TRIM5: variants seen among roughly 807,000 people sequenced by gnomAD.
The protein encoded by TRIM5 is tripartite motif containing 5.
A neutral mutation model predicts 35.6 loss-of-function variants in TRIM5; 31 were observed. The ratio of observed to expected loss-of-function variants is 0.87; its 90% CI spans 0.65 to 1.18. The LOEUF (loss-of-function observed/expected upper bound fraction) is 1.18. TRIM5 is among the 50% of genes most tolerant of loss of function. The pLI is 0.00. For missense variants in TRIM5, 609 were observed against 591.6 expected, an observed-to-expected ratio of 1.03 and a Z score of -0.31; for synonymous variants, 243 against 215.6, an observed-to-expected ratio of 1.13 and a Z score of -1.11.
chr11:5,589,279 G>A, the TRIM5 span: 1 of 151,532 alleles, frequency 6.6e-6, no homozygotes, highest in Non-Finnish European at 1.5e-5. Context: ...CTCATCTAGT[G>A]TCCTCTTCTG....
chr11:5,648,762 GGAAAA>G, the TRIM5 span, among the ~76,000 whole-genome samples: 4 of 152,270 alleles, frequency 2.6e-5, 1 homozygote, highest in South Asian at 8.3e-4. Flanking sequence ...GTGTTTATAA[GGAAAA>G]GAAGAGACCT....
rs34310528 is a variant in TRIM5 at position 5,669,080 on chromosome 11, C to CTTTT, written c.745-1373_745-1370dup. The stretch of plus-strand genomic sequence containing the variant: ...CTAACAGGACAGTTTGGTCTACATT[C>CTTTT]TTTTTTTTTTTTTTTTTTGATACGG... On this transcript the variant is annotated intron_variant, in intron 4 of 7. Coordinates refer to ENST00000380034, the MANE Select transcript of TRIM5 (RefSeq NM_033034.3). 5.6e-3 allele frequency among the ~76,000 whole-genome samples: 748 copies of CTTTT among 133,146 alleles called. 16 individuals carry two copies. Among genetic ancestry groups the CTTTT allele is most frequent in the African/African-American group, 0.019 (662 of 35,014 alleles). 87.3% of individuals were successfully genotyped at this position (133,146 alleles called of 152,430 possible). A position where few individuals can be genotyped will look rare whatever the true frequency, so the allele number is the denominator to read the frequency against.
At chr11:5,661,882 T>G (rs1850840089), downstream of TRIM5, among the ~76,000 whole-genome samples, 1 of 152,200 alleles carries the variant, frequency 6.6e-6, no homozygotes, top group African/African-American at 2.4e-5. Flanking sequence ...TATATACAAA[T>G]TCAGGTCTTT....
chr11:5,665,146 T>C lies in TRIM5; in HGVS notation c.1145A>G (p.Asp382Gly). 6.2e-7 allele frequency: 1 copy of C among 1,614,102 alleles called. No homozygotes were observed. Among genetic ancestry groups the C allele is most frequent in the East Asian group, 2.2e-5 (1 of 44,884 alleles). Residue 382 changes from aspartate to glycine, a missense_variant, in exon 8 of 8, where the codon GAT becomes GGT. By Grantham distance (94) the Asp-to-Gly change is moderately conservative (BLOSUM62 -1). Transcript: ENST00000380034. ...ILGVCAGFQP[D>G]AMCNIEKNEN... ...ATTTTTTTCAATATTACACATTGCA[T>C]CAGGTTGGAAGCCAGCACATACCCC...
the TRIM5 span, among the ~76,000 whole-genome samples, chr11:5,616,082 C>G: frequency 6.6e-6 from 1 of 151,464 alleles, no homozygotes; most frequent in Non-Finnish European, 1.5e-5. Context: ...TCCCGAGTAG[C>G]TGGGACTACA....
At chr11:5,675,415 G>C (rs932492180) in intron 4 of TRIM5, among the ~76,000 whole-genome samples, 10 of 152,086 alleles carry the variant, frequency 6.6e-5, no homozygotes. Context: ...CCTGGGTCCA[G>C]GTGATTTACC....
Position 5,680,123 on chromosome 11 carries a change from G to C in TRIM5, c.55C>G (p.Leu19Val), listed in dbSNP as rs1407774755. 7.4e-6 allele frequency: 12 copies of C among 1,613,816 alleles called. No individual in the cohort carries two copies. The highest frequency in any genetic ancestry group is 1.0e-5 in the Non-Finnish European group (12 of 1,179,940). Residue 19 changes from leucine to valine, a missense_variant, in exon 2 of 8, where the codon CTG becomes GTG. Coordinates refer to ENST00000380034, the MANE Select transcript of TRIM5 (RefSeq NM_033034.3). Reference protein sequence around the residue: ...VKEEVTCPICLELLTQPLSLD... With the variant: ...VKEEVTCPICVELLTQPLSLD... ...CTCAGGGGTTGTGTCAGGAGTTCCA[G>C]GCAGATGGGGCAGGTCACCTCCTCC...
At chr11:5,597,029 T>G in the TRIM5 span, 1 of 1,554,780 alleles carries the variant, frequency 6.4e-7, no homozygotes, top group South Asian at 1.2e-5. Flanking sequence ...TTATTTCTTT[T>G]TCTTTCTCAC....
In TRIM5 at chr11:5,679,883, C is replaced by A; in HGVS notation, c.295G>T (p.Gly99Ter). The A allele has an allele frequency of 6.2e-7, 1 of 1,613,966 alleles. No homozygotes were observed. The highest frequency in any genetic ancestry group is 8.5e-7 in the Non-Finnish European group (1 of 1,180,004). ...TGACAGAAGAGTAGAAGTTTCTCTC[C>A]ATGGCGTGCACAATGATCAACTTTC... ...GQKVDHCARH[G>*]EKLLLFCQED... Residue 99 changes from glycine (G) to a stop codon, truncating the protein, a stop_gained, in exon 2 of 8, where the codon GGA becomes TGA. Coordinates refer to ENST00000380034, the MANE Select transcript of TRIM5 (RefSeq NM_033034.3). LOFTEE classifies it high-confidence loss of function.
intron 4 of TRIM5, among the ~76,000 whole-genome samples, chr11:5,670,704 C>T (rs756385738): frequency 9.9e-5 from 15 of 152,096 alleles, no homozygotes; most frequent in Non-Finnish European, 1.8e-4. Context: ...CATCAGGAGA[C>T]GACAGAAGCC....
At chr11:5,608,309 G>T in the TRIM5 span, 1 of 1,605,794 alleles carries the variant, frequency 6.2e-7, no homozygotes, top group South Asian at 1.1e-5. Context: ...GACATGGAAG[G>T]AGAAATGTGG....
At chr11:5,618,621 G>A in the TRIM5 span, among the ~76,000 whole-genome samples, 1 of 151,962 alleles carries the variant, frequency 6.6e-6, no homozygotes, top group Admixed American at 6.5e-5. Flanking sequence ...GGATATACAG[G>A]GTAAAAGAAG....
At chr11:5,671,159 G>A (rs910551536) in intron 4 of TRIM5, among the ~76,000 whole-genome samples, 2 of 152,054 alleles carry the variant, frequency 1.3e-5, no homozygotes, top group Non-Finnish European at 2.9e-5. Flanking sequence ...TCAGGATGTC[G>A]AGGCTATAGT....
chr11:5,607,141 G>T, the TRIM5 span, among the ~76,000 whole-genome samples: 55 of 151,972 alleles, frequency 3.6e-4, no homozygotes, highest in African/African-American at 8.2e-4. Flanking sequence ...GAGGCGGAGC[G>T]TGCAGTGAGC....
the TRIM5 span, chr11:5,603,373 C>T: frequency 1.2e-6 from 2 of 1,614,064 alleles, no homozygotes; most frequent in South Asian, 1.1e-5. Flanking sequence ...CTGCCTGGAG[C>T]TCCTAACAGA....
chr11:5,653,265 T>A, the TRIM5 span, among the ~76,000 whole-genome samples: 2 of 152,178 alleles, frequency 1.3e-5, no homozygotes, highest in African/African-American at 4.8e-5. Context: ...GTGAATGGGA[T>A]TGCATTCCTG....
chr11:5,610,429 T>A, the TRIM5 span: 1 of 1,601,820 alleles, frequency 6.2e-7, no homozygotes, highest in Non-Finnish European at 8.5e-7. Context: ...CCAGGTGACA[T>A]CCTCACAGGA....
At chr11:5,610,268 GT>G in the TRIM5 span, 1 of 1,613,916 alleles carries the variant, frequency 6.2e-7, no homozygotes, top group Non-Finnish European at 8.5e-7. Context: ...AGGGGAAAGA[GT>G]TTGGATGTGA....
chr11:5,610,669 C>T, the TRIM5 span: 3 of 1,567,088 alleles, frequency 1.9e-6, no homozygotes, highest in Admixed American at 1.8e-5. Context: ...TCCCCCATCC[C>T]CGCCATATAG....
Sources: allele counts gnomAD v4.1 joint callset (sites outside exome capture counted in the v4.1 genomes callset), GRCh38; gene constraint gnomAD v4.1.1; transcripts MANE v1.5; gene names NCBI Gene and HGNC (gene_info 2026-07-23, HGNC 2026-07-21).